The following NSMCE2 variants were observed in gnomAD, a reference collection of about 807,000 sequenced individuals.
NSMCE2 encodes the protein E3 SUMO-protein ligase NSE2.
NSMCE2 carries 24 observed loss-of-function variants against 23.8 expected under a neutral mutation model. That is an observed-to-expected ratio of 1.01 (90% CI 0.73 to 1.42). The LOEUF is 1.42. Among genes scored for constraint, NSMCE2 ranks in the 40% most tolerant of loss-of-function variants. The pLI is 0.00. For missense variants in NSMCE2, 284 were observed against 296.5 expected, an observed-to-expected ratio of 0.96 and a Z score of 0.31; for synonymous variants, 92 against 94.1, an observed-to-expected ratio of 0.98 and a Z score of 0.13.
At chr8:125,326,304 A>G (rs896887283) in intron 5 of NSMCE2, among the ~76,000 whole-genome samples, 7 of 152,150 alleles carry the variant, frequency 4.6e-5, no homozygotes, top group Non-Finnish European at 8.8e-5. Flanking sequence ...GTCATCCTGT[A>G]TGTGTCAATA....
intron 5 of NSMCE2, among the ~76,000 whole-genome samples, chr8:125,273,408 T>C (rs1827313595): frequency 6.6e-6 from 1 of 152,224 alleles, no homozygotes; most frequent in African/African-American, 2.4e-5. Context: ...CAGTGTGCGG[T>C]AACTATGGTA....
chr8:125,133,717 G>A (rs1225623147), intron 3 of NSMCE2, among the ~76,000 whole-genome samples: 1 of 151,226 alleles, frequency 6.6e-6, no homozygotes, highest in Non-Finnish European at 1.5e-5. Flanking sequence ...GCAACAGAGC[G>A]AGACTCCATC....
intron 5 of NSMCE2, among the ~76,000 whole-genome samples, chr8:125,293,344 C>T (rs1419760325): frequency 2.0e-5 from 3 of 152,020 alleles, no homozygotes; most frequent in East Asian, 1.9e-4. Flanking sequence ...CCAGGACTGA[C>T]GAAAATTTGA....
intron 5 of NSMCE2, among the ~76,000 whole-genome samples, chr8:125,355,227 A>G (rs980945506): frequency 1.3e-5 from 2 of 152,228 alleles, no homozygotes; most frequent in African/African-American, 2.4e-5. Context: ...ACCGAAAGGT[A>G]TGCCACACCA....
chr8:125,269,484 A>G (rs545821357), intron 5 of NSMCE2, among the ~76,000 whole-genome samples: 336 of 152,320 alleles, frequency 2.2e-3, no homozygotes, highest in African/African-American at 7.6e-3. Context: ...CCATGCCACT[A>G]TAAAATGACA....
At chr8:125,254,604 G>C (rs1449809708) in intron 5 of NSMCE2, among the ~76,000 whole-genome samples, 1 of 140,766 alleles carries the variant, frequency 7.1e-6, no homozygotes, top group Non-Finnish European at 1.5e-5. Flanking sequence ...GTTTACCTCA[G>C]ATTTTTTTTT....
chr8:125,098,807 GT>G (rs1467631390), intron 1 of NSMCE2, among the ~76,000 whole-genome samples: 1 of 151,934 alleles, frequency 6.6e-6, no homozygotes, highest in Non-Finnish European at 1.5e-5. Flanking sequence ...GAGGGGTAGG[GT>G]GGGAGAGAAG....
intron 5 of NSMCE2, among the ~76,000 whole-genome samples, chr8:125,281,427 T>C (rs1013567661): frequency 9.9e-5 from 15 of 152,178 alleles, no homozygotes; most frequent in African/African-American, 3.4e-4. Context: ...AGGAGATCAC[T>C]GGGTGTATCG....
chr8:125,268,913 A>G (rs142451552), intron 5 of NSMCE2, among the ~76,000 whole-genome samples: 3 of 152,226 alleles, frequency 2.0e-5, no homozygotes, highest in East Asian at 3.8e-4. Flanking sequence ...AAGAGTATCA[A>G]AAAGTAGGAA....
intron 3 of NSMCE2, among the ~76,000 whole-genome samples, chr8:125,112,183 T>C (rs537208021): frequency 6.6e-6 from 1 of 152,330 alleles, no homozygotes; most frequent in African/African-American, 2.4e-5. Context: ...TAACTTAAAT[T>C]AGTGAAGATT....
intron 5 of NSMCE2, among the ~76,000 whole-genome samples, chr8:125,334,598 C>T (rs143131581): frequency 2.6e-5 from 4 of 151,960 alleles, no homozygotes; most frequent in Admixed American, 6.5e-5. Flanking sequence ...GTTTTTCTCA[C>T]GGGTTGGAAT....
At chr8:125,356,121 T>C (rs1317660331) in intron 5 of NSMCE2, among the ~76,000 whole-genome samples, 3 of 152,188 alleles carry the variant, frequency 2.0e-5, no homozygotes, top group East Asian at 1.9e-4. Context: ...TTGTGACAGA[T>C]TGAATGCATA....
chr8:125,303,437 A>T (rs1264396699), intron 5 of NSMCE2, among the ~76,000 whole-genome samples: 1 of 152,226 alleles, frequency 6.6e-6, no homozygotes, highest in Non-Finnish European at 1.5e-5. Context: ...GAAGTTTGTG[A>T]TGAGTATTGA....
chr8:125,357,571 C>A, intron 6 of NSMCE2, 141 bp from the exon 7 acceptor site: 1 of 690,192 alleles, frequency 1.4e-6, no homozygotes, highest in Non-Finnish European at 2.5e-6. Context: ...GGATTCCCTG[C>A]ATTTCCTTAT....
intron 1 of NSMCE2, among the ~76,000 whole-genome samples, chr8:125,092,831 G>C (rs542306528): frequency 3.3e-5 from 5 of 152,354 alleles, no homozygotes; most frequent in South Asian, 2.1e-4. Context: ...AAGAGAGATT[G>C]ATTTAAACCA....
intron 5 of NSMCE2, among the ~76,000 whole-genome samples, chr8:125,249,433 G>T (rs1428423611): frequency 1.3e-5 from 2 of 152,192 alleles, no homozygotes; most frequent in Non-Finnish European, 2.9e-5. Flanking sequence ...TTGTCAGAAA[G>T]ATGTTCATGG....
intron 5 of NSMCE2, among the ~76,000 whole-genome samples, chr8:125,274,999 GATA>G (rs72261443): frequency 0.021 from 3,035 of 142,350 alleles, 53 homozygotes; most frequent in African/African-American, 0.05. Flanking sequence ...ATCTGAAGAT[GATA>G]ATAATAATAA....
intron 3 of NSMCE2, among the ~76,000 whole-genome samples, chr8:125,108,638 A>G (rs1818585389): frequency 6.6e-6 from 1 of 152,338 alleles, no homozygotes; most frequent in East Asian, 1.9e-4. Context: ...AATAGCTATC[A>G]TATATGACAA....
intron 5 of NSMCE2, among the ~76,000 whole-genome samples, chr8:125,232,661 C>A (rs776254266): frequency 2.0e-5 from 3 of 152,178 alleles, no homozygotes; most frequent in Non-Finnish European, 4.4e-5. Context: ...TACTCATCCC[C>A]ACCTTCAACA....
Sources: allele counts gnomAD v4.1 joint callset (sites outside exome capture counted in the v4.1 genomes callset), GRCh38; gene constraint gnomAD v4.1.1; transcripts MANE v1.5; gene names NCBI Gene and HGNC (gene_info 2026-07-23, HGNC 2026-07-21).